The following DDX60L variants were observed in gnomAD, a reference collection of about 807,000 sequenced individuals.
DDX60L encodes the protein probable ATP-dependent RNA helicase DDX60-like.
A neutral mutation model predicts 211.6 loss-of-function variants in DDX60L; 191 were observed. The ratio of observed to expected loss-of-function variants is 0.90; its 90% CI spans 0.80 to 1.02. The LOEUF (loss-of-function observed/expected upper bound fraction) is 1.02. Among genes scored for constraint, DDX60L ranks in the 50% least tolerant of loss-of-function variants. The pLI, the probability that DDX60L is intolerant of heterozygous loss-of-function variation, is 0.00. For synonymous variants in DDX60L, 706 were observed against 694.1 expected, an observed-to-expected ratio of 1.02 and a Z score of -0.27; for missense variants, 2,007 against 1,984.1, an observed-to-expected ratio of 1.01 and a Z score of -0.22.
intron 9 of DDX60L, among the ~76,000 whole-genome samples, chr4:168,445,926 C>A (rs1220625227): frequency 8.8e-6 from 1 of 114,208 alleles, no homozygotes; most frequent in African/African-American, 3.1e-5. Context: ...CAATATCATA[C>A]TGAATGGGCA....
intron 1 of DDX60L, among the ~76,000 whole-genome samples, chr4:168,476,990 G>A (rs996944460): frequency 2.0e-5 from 3 of 152,168 alleles, no homozygotes; most frequent in Non-Finnish European, 2.9e-5. Context: ...GGGCCGACTG[G>A]CCAGGAAAAT....
At chr4:168,402,248 C>T (rs530556765) in intron 25 of DDX60L, among the ~76,000 whole-genome samples, 7 of 151,540 alleles carry the variant, frequency 4.6e-5, no homozygotes, top group South Asian at 2.1e-4. Flanking sequence ...AATTTGCTTC[C>T]GTGTTCACAG....
chr4:168,480,187 T>TTCCCTACC (rs1489598637), intron 1 of DDX60L, 190 bp downstream of exon 1: 4 of 152,246 alleles, frequency 2.6e-5, no homozygotes, highest in African/African-American at 9.7e-5. Flanking sequence ...GTTGTCCCTC[T>TTCCCTACC]TCCCTACCTC....
At chr4:168,368,508 A>C (rs2684362) in intron 36 of DDX60L, among the ~76,000 whole-genome samples, 125,416 of 152,282 alleles carry the variant, frequency 0.82, 51,823 homozygotes, top group African/African-American at 0.88. Flanking sequence ...TCAGGCAGTG[A>C]AGAAGGAAAA....
chr4:168,442,587 G>C (rs867865202), intron 9 of DDX60L, among the ~76,000 whole-genome samples: 77 of 149,724 alleles, frequency 5.1e-4, no homozygotes, highest in South Asian at 4.8e-3. Context: ...CACAGACAAA[G>C]AAAAAGGCAG....
At chr4:168,359,156 A>T (rs1241558902) in intron 37 of DDX60L, among the ~76,000 whole-genome samples, 3 of 152,136 alleles carry the variant, frequency 2.0e-5, no homozygotes, top group African/African-American at 4.8e-5. Context: ...TTTCGTTTTC[A>T]TGCTCCACCT....
At chr4:168,419,683 C>T (rs1014872128) in intron 18 of DDX60L, among the ~76,000 whole-genome samples, 7 of 152,122 alleles carry the variant, frequency 4.6e-5, no homozygotes, top group African/African-American at 1.7e-4. Context: ...TATGATTTAC[C>T]TATCGACGGG....
intron 3 of DDX60L, 77 bp downstream of exon 3, chr4:168,472,378 T>C (rs1236619320): frequency 6.5e-6 from 7 of 1,071,482 alleles, no homozygotes; most frequent in Non-Finnish European, 8.3e-6. Context: ...CATGTATATG[T>C]ATATGGGTTA....
chr4:168,415,358 G>T (rs368567557), intron 22 of DDX60L, 50 bp downstream of exon 22: 1 of 1,153,924 alleles, frequency 8.7e-7, no homozygotes, highest in Admixed American at 2.0e-5. Flanking sequence ...TTCCAGTTGC[G>T]ATATACACTA....
intron 25 of DDX60L, among the ~76,000 whole-genome samples, chr4:168,401,766 A>G (rs1746854387): frequency 6.6e-6 from 1 of 152,242 alleles, no homozygotes; most frequent in Non-Finnish European, 1.5e-5. Context: ...TAGCATGTTT[A>G]GAAAACAGAC....
chr4:168,386,194 T>C (rs1279888607), intron 29 of DDX60L, among the ~76,000 whole-genome samples: 2 of 152,170 alleles, frequency 1.3e-5, no homozygotes, highest in African/African-American at 2.4e-5. Context: ...GTCTGCCGGA[T>C]GTTTCTTTCA....
At chr4:168,382,444 C>T (rs1489229) in intron 30 of DDX60L, among the ~76,000 whole-genome samples, 1 of 151,956 alleles carries the variant, frequency 6.6e-6, no homozygotes, top group Non-Finnish European at 1.5e-5. Context: ...TTCAGCTTTT[C>T]TATGGTTCCA....
chr4:168,442,718 C>T (rs1172745072), intron 9 of DDX60L, among the ~76,000 whole-genome samples: 1 of 151,392 alleles, frequency 6.6e-6, no homozygotes, highest in South Asian at 2.1e-4. Context: ...GGTCCCTGAC[C>T]CCTGACCCCC....
At chr4:168,422,308 G>A (rs1395056938) in intron 16 of DDX60L, among the ~76,000 whole-genome samples, 1 of 152,124 alleles carries the variant, frequency 6.6e-6, no homozygotes, top group Admixed American at 6.6e-5. Context: ...ATACAAACAG[G>A]TATCAGTATA....
intron 36 of DDX60L, among the ~76,000 whole-genome samples, chr4:168,369,182 C>T (rs1479379241): frequency 6.6e-6 from 1 of 152,068 alleles, no homozygotes; most frequent in Non-Finnish European, 1.5e-5. Flanking sequence ...CCACAATTCC[C>T]ATGTGTCATG....
At chr4:168,394,698 C>T (rs1221760467) in intron 27 of DDX60L, 81 bp from the exon 28 acceptor site, 4 of 1,332,730 alleles carry the variant, frequency 3.0e-6, no homozygotes, top group East Asian at 4.8e-5. Context: ...AGGACATTTT[C>T]ACAAGCAAAT....
intron 22 of DDX60L, among the ~76,000 whole-genome samples, chr4:168,409,972 T>C (rs573790889): frequency 6.6e-6 from 1 of 152,156 alleles, no homozygotes; most frequent in East Asian, 1.9e-4. Flanking sequence ...TATTAACAAG[T>C]GCCTGCCACG....
intron 34 of DDX60L, among the ~76,000 whole-genome samples, chr4:168,374,415 T>C (rs576418608): frequency 2.0e-5 from 3 of 152,328 alleles, no homozygotes; most frequent in East Asian, 1.9e-4. Flanking sequence ...GCTCCACTCT[T>C]TACTCTTAGT....
chr4:168,469,728 A>T (rs894086595), intron 4 of DDX60L: 1 of 152,100 alleles, frequency 6.6e-6, no homozygotes, highest in African/African-American at 2.4e-5. Context: ...ATACAAAAAA[A>T]TTAGCCGGGC....
Sources: allele counts gnomAD v4.1 joint callset (sites outside exome capture counted in the v4.1 genomes callset), GRCh38; gene constraint gnomAD v4.1.1; transcripts MANE v1.5; gene names NCBI Gene and HGNC (gene_info 2026-07-23, HGNC 2026-07-21).